TUBGCP3: variants seen among roughly 807,000 people sequenced by gnomAD.
TUBGCP3 encodes tubulin gamma complex component 3.
TUBGCP3 carries 50 observed loss-of-function variants against 123.1 expected under a neutral mutation model. The observed-to-expected ratio is 0.41, with a 90% CI of 0.32 to 0.51. The LOEUF (loss-of-function observed/expected upper bound fraction) is 0.51. Among genes scored for constraint, TUBGCP3 ranks in the 20% least tolerant of loss-of-function variants. TUBGCP3 has a pLI of 0.36. For missense variants in TUBGCP3, 882 were observed against 1,127.0 expected (o/e 0.78, Z 3.11); for synonymous variants, 405 against 413.9 (o/e 0.98, Z 0.26).
chr13:112,527,812 G>A (rs1877257633), intron 11 of TUBGCP3, among the ~76,000 whole-genome samples: 1 of 152,192 alleles, frequency 6.6e-6, no homozygotes, highest in Non-Finnish European at 1.5e-5. Context: ...AGGCTTTTGG[G>A]GTTCCCCTCC....
At chr13:112,538,515 C>T (rs1878249907) in intron 11 of TUBGCP3, among the ~76,000 whole-genome samples, 2 of 152,154 alleles carry the variant, frequency 1.3e-5, no homozygotes, top group Admixed American at 1.3e-4. Flanking sequence ...TGGATGGTCT[C>T]AATTGACCTA....
upstream of TUBGCP3, among the ~76,000 whole-genome samples, chr13:112,590,466 C>T (rs1347620161): frequency 2.0e-5 from 3 of 151,920 alleles, no homozygotes; most frequent in South Asian, 2.1e-4. Context: ...TTTTCCTTTA[C>T]CAGAAGGCCC....
Position 112,519,851 on chromosome 13 carries a change from C to G in TUBGCP3, c.1881+35G>C. ...CCCCGGCCCAGTGGGTCCTCGGTGCCGGGGCGGCGTTCCCAACACGCAGAG... is the reference window on the plus strand; with the variant it reads ...CCCCGGCCCAGTGGGTCCTCGGTGCGGGGGCGGCGTTCCCAACACGCAGAG... On this transcript the variant is annotated intron_variant, in intron 15 of 21. Coordinates refer to ENST00000261965, the MANE Select transcript of TUBGCP3 (RefSeq NM_006322.6). The surrounding 1 kb of genome is among the most constrained non-coding windows in gnomAD (Gnocchi z 6.2). The G allele has an allele frequency of 1.9e-6, 3 of 1,601,612 alleles. No homozygotes were observed. The highest frequency in any genetic ancestry group is 1.7e-6 in the Non-Finnish European group (2 of 1,172,144).
At chr13:112,604,282 A>G in the TUBGCP3 span, 1 of 152,166 alleles carries the variant, frequency 6.6e-6, no homozygotes, top group Non-Finnish European at 1.5e-5. Context: ...ACTATCTTCA[A>G]ATATTCACCA....
intron 1 of TUBGCP3, among the ~76,000 whole-genome samples, chr13:112,577,221 G>A (rs1435206293): frequency 6.6e-6 from 1 of 152,010 alleles, no homozygotes; most frequent in East Asian, 1.9e-4. Context: ...CACAATACAG[G>A]CAGAAAAAAA....
chr13:112,597,290 T>G, the TUBGCP3 span, among the ~76,000 whole-genome samples: 1 of 152,244 alleles, frequency 6.6e-6, no homozygotes, highest in Non-Finnish European at 1.5e-5. Context: ...TGTGCTCAGC[T>G]TTAAATTATC....
At chr13:112,595,849 T>C in the TUBGCP3 span, among the ~76,000 whole-genome samples, 3 of 152,222 alleles carry the variant, frequency 2.0e-5, no homozygotes. Context: ...TTTTTTGTTT[T>C]CTATTCATTC....
At chr13:112,498,208 C>G (rs1455338188) in intron 20 of TUBGCP3, among the ~76,000 whole-genome samples, 1 of 152,102 alleles carries the variant, frequency 6.6e-6, no homozygotes, top group East Asian at 1.9e-4. Flanking sequence ...AAGATTTTTT[C>G]TACTTTAACG....
intron 17 of TUBGCP3, among the ~76,000 whole-genome samples, chr13:112,512,360 G>A (rs551866405): frequency 1.3e-4 from 20 of 151,100 alleles, no homozygotes; most frequent in African/African-American, 4.2e-4. Context: ...CCTGGGAGGC[G>A]GAGGTTGCAG....
chr13:112,499,529 T>G (rs990788480), intron 19 of TUBGCP3, among the ~76,000 whole-genome samples: 1 of 151,812 alleles, frequency 6.6e-6, no homozygotes, highest in Non-Finnish European at 1.5e-5. Flanking sequence ...CAAAGCTAGA[T>G]AGCAGGTAGT....
At chr13:112,554,021 C>T (rs971247066) in intron 8 of TUBGCP3, 36 bp downstream of exon 8, 24 of 1,598,612 alleles carry the variant, frequency 1.5e-5, no homozygotes, top group African/African-American at 4.1e-5. Context: ...TCCCAAAGTG[C>T]GCAGCATCCC....
chr13:112,493,599 G>A (rs1346354674), intron 20 of TUBGCP3, among the ~76,000 whole-genome samples: 4 of 149,576 alleles, frequency 2.7e-5, no homozygotes, highest in Non-Finnish European at 5.9e-5. Flanking sequence ...ATGGCCTGGT[G>A]TGCCTGAGAT....
chr13:112,527,221 C>A (rs1877207688), intron 12 of TUBGCP3, among the ~76,000 whole-genome samples, 153 bp downstream of exon 12: 1 of 152,188 alleles, frequency 6.6e-6, no homozygotes, highest in South Asian at 2.1e-4. Context: ...ACATACTATA[C>A]TGATGTATTC....
intron 1 of TUBGCP3, 38 bp from the exon 2 acceptor site, chr13:112,569,297 C>T (rs781522197): frequency 6.2e-7 from 1 of 1,604,242 alleles, no homozygotes; most frequent in Admixed American, 1.7e-5. Context: ...TGTTACCAAC[C>T]AGGTTACGTT....
At chr13:112,533,654 G>T (rs1381113167) in intron 11 of TUBGCP3, among the ~76,000 whole-genome samples, 1 of 151,658 alleles carries the variant, frequency 6.6e-6, no homozygotes, top group African/African-American at 2.4e-5. Flanking sequence ...TTGAGCTGTT[G>T]CAGGTGCTTT....
intron 19 of TUBGCP3, among the ~76,000 whole-genome samples, chr13:112,503,556 C>T (rs565462588): frequency 1.3e-5 from 2 of 151,948 alleles, no homozygotes; most frequent in African/African-American, 4.8e-5. Flanking sequence ...TTAGTAGAGA[C>T]AGGGTTTCAC....
At chr13:112,501,571 C>T (rs926945429) in intron 19 of TUBGCP3, among the ~76,000 whole-genome samples, 12 of 152,192 alleles carry the variant, frequency 7.9e-5, no homozygotes, top group Admixed American at 6.5e-5. Flanking sequence ...GTATCAGAAC[C>T]GCCTTGGTTT....
Position 112,587,893 on chromosome 13 carries a change from C to T in TUBGCP3, c.76+12G>A. 2 of 1,586,634 alleles carry T rather than the reference C, an allele frequency of 1.3e-6. No homozygotes were observed. Among genetic ancestry groups the T allele is most frequent in the Non-Finnish European group, 1.7e-6 (2 of 1,168,670 alleles). The stretch of plus-strand genomic sequence containing the variant: ...ACGGGTCTGCGGGCTTCGCGTCGCC[C>T]GGCCACTCTACCTTCGCTCCTGCCC... On this transcript the variant is annotated intron_variant, in intron 1 of 21. Transcript: ENST00000261965.
chr13:112,588,307 C>G (rs144655943), upstream of TUBGCP3: 1,005 of 240,796 alleles, frequency 4.2e-3, 9 homozygotes, highest in African/African-American at 0.021. Context: ...CCTCGAGCTG[C>G]GCGGACAGAG....
Sources: allele counts gnomAD v4.1 joint callset (sites outside exome capture counted in the v4.1 genomes callset), GRCh38; gene constraint gnomAD v4.1.1; non-coding constraint Gnocchi (gnomAD v3.1); transcripts MANE v1.5; gene names NCBI Gene and HGNC (gene_info 2026-07-23, HGNC 2026-07-21).